SRSF6: variants seen among roughly 807,000 people sequenced by gnomAD.
SRSF6 encodes serine/arginine-rich splicing factor 6.
A neutral mutation model predicts 42.0 loss-of-function variants in SRSF6; 17 were observed. The ratio of observed to expected loss-of-function variants is 0.40; its 90% CI spans 0.28 to 0.61. The LOEUF (loss-of-function observed/expected upper bound fraction) is 0.61. Ranked by LOEUF, SRSF6 falls within the 20% of genes least tolerant of loss-of-function variation. SRSF6 has a pLI of 0.37. For missense variants in SRSF6, 379 were observed against 471.4 expected (o/e 0.80, Z 1.81); for synonymous variants, 204 against 166.7 (o/e 1.22, Z -1.72).
At position 43,463,345 on chromosome 20, in the gene SRSF6, T is replaced by C. The variant is rs192562726; in HGVS notation, c.*2282T>C. ...TAAAATGTTTAATTCCCTTGCTAGC[T>C]TGTGAGAAGAATGAGTTGATGACAT... On this transcript the variant is annotated 3_prime_UTR_variant, in exon 6 of 6. Transcript: ENST00000244020. The C allele has an allele frequency of 1.8e-4, 28 of 154,958 alleles. No homozygotes were observed. The highest frequency in any genetic ancestry group is 6.0e-4 in the African/African-American group (25 of 41,652). 9.6% of individuals were successfully genotyped at this position (154,958 alleles called of 1,614,324 possible).
In SRSF6 at chr20:43,463,367, A is replaced by C. The variant is rs910127638; in HGVS notation, c.*2304A>C. 3.2e-5 allele frequency: 5 copies of C among 154,862 alleles called. No individual in the cohort carries two copies. Among genetic ancestry groups the C allele is most frequent in the African/African-American group, 1.2e-4 (5 of 41,536 alleles). The allele number at this position is 154,862 out of a possible 1,614,324, so 9.6% of individuals were successfully genotyped here. A position where few individuals can be genotyped will look rare whatever the true frequency, so the allele number is the denominator to read the frequency against. On this transcript the variant is annotated 3_prime_UTR_variant, in exon 6 of 6. Coordinates refer to ENST00000244020, the MANE Select transcript of SRSF6 (RefSeq NM_006275.6). ...AGCTTGTGAGAAGAATGAGTTGATG[A>C]CATGCTCCATACCAGTGGCTAGATG...
rs770022409 is a variant in SRSF6, at chr20:43,460,738, G to A, written c.710G>A (p.Arg237Gln). Residue 237 changes from arginine to glutamine, a missense_variant, in exon 6 of 6, where the codon CGA becomes CAA. Around this residue, in one of 3 missense-constraint regions of SRSF6, gnomAD observed 219 missense variants for 216.1 expected, o/e 1.01. Transcript: ENST00000244020. ...CGGAGCAAAGGTCGATCACGTTCTC[G>A]ATCAAAAGGCAGGAAATCTAGATCA... is the stretch of plus-strand genomic sequence containing the variant. ...RSRSKGRSRS[R>Q]SKGRKSRSKS... is the part of the protein sequence containing the mutation. 1.8e-5 allele frequency: 29 copies of A among 1,613,718 alleles called. No homozygotes were observed. Among genetic ancestry groups the A allele is most frequent in the Middle Eastern group, 1.6e-4 (1 of 6,078 alleles).
At chr20:43,459,723 C>T (rs777952432) in intron 2 of SRSF6, 48 bp from the exon 3 acceptor site, 19 of 1,610,986 alleles carry the variant, frequency 1.2e-5, no homozygotes, top group African/African-American at 5.3e-5. Context: ...AGACATTATG[C>T]GTTTTTATCA....
intron 1 of SRSF6, 39 bp from the exon 2 acceptor site, chr20:43,458,322 G>T (rs1291593923): frequency 1.3e-6 from 2 of 1,493,922 alleles, no homozygotes; most frequent in South Asian, 1.3e-5. Context: ...CCTGGCTAAC[G>T]ACTCCCCCGC....
chr20:43,461,150 A>G lies in SRSF6; in HGVS notation c.*87A>G, dbSNP rs1250145790. The G allele has an allele frequency of 2.8e-6, 4 of 1,452,872 alleles. No homozygotes were observed. Among genetic ancestry groups the G allele is most frequent in the Non-Finnish European group, 3.6e-6 (4 of 1,105,486 alleles). The allele number at this position is 1,452,872 out of a possible 1,614,324, so 90.0% of individuals were successfully genotyped here. On this transcript the variant is annotated 3_prime_UTR_variant, in exon 6 of 6. Coordinates refer to ENST00000244020, the MANE Select transcript of SRSF6 (RefSeq NM_006275.6). Reference sequence around the variant, plus strand: ...CATGTTTATACTTGGCCTCTTCTGCAAGAGGAATCTCTTGAAAACAGGGGC... The same window carrying G: ...CATGTTTATACTTGGCCTCTTCTGCGAGAGGAATCTCTTGAAAACAGGGGC...
chr20:43,460,667 A>AC (rs1187150044), intron 5 of SRSF6, 36 bp from the exon 6 acceptor site: 1 of 1,612,352 alleles, frequency 6.2e-7, no homozygotes. Context: ...GTACATTCTC[A>AC]CTAAGTATTG....
rs1323046525 is a variant in SRSF6 at position 43,458,195 on chromosome 20, A to C, written c.107+55A>C. The C allele has an allele frequency of 7.0e-6, 11 of 1,569,538 alleles. No individual in the cohort carries two copies. In the East Asian group the frequency reaches 2.6e-4, roughly 37 times the overall value. Reference sequence around the variant, plus strand: ...CGTCCCAGGCCTGGTGGCGGCGGGAACTCTCCAAGGAAAGAAGCGGCCAAG... The same window carrying C: ...CGTCCCAGGCCTGGTGGCGGCGGGACCTCTCCAAGGAAAGAAGCGGCCAAG... On this transcript the variant is annotated intron_variant, in intron 1 of 5. Transcript: ENST00000244020.
In SRSF6 at chr20:43,460,505, C is replaced by A; in HGVS notation, c.591-10C>A. 1 of 1,611,818 alleles carries A rather than the reference C, an allele frequency of 6.2e-7. No homozygotes were observed. The highest frequency in any genetic ancestry group is 2.2e-5 in the East Asian group (1 of 44,850). ...TTGGGATTAAGACTTCATTGTTTTTCTCCTAATAGGTCTCGATCTAGAAGA... is the reference window on the plus strand; with the variant it reads ...TTGGGATTAAGACTTCATTGTTTTTATCCTAATAGGTCTCGATCTAGAAGA... On this transcript the variant is annotated splice_polypyrimidine_tract_variant and intron_variant, in intron 4 of 5. Coordinates refer to ENST00000244020, the MANE Select transcript of SRSF6 (RefSeq NM_006275.6).
chr20:43,460,045 C>G lies in SRSF6; in HGVS notation c.394C>G (p.Gln132Glu), dbSNP rs1470722729. The change falls in exon 4 of 6, where the codon CAA (glutamine) becomes GAA (glutamate). Residue 132 changes from glutamine (Q) to glutamate (E), a missense_variant. Physicochemically the swap from Gln to Glu is conservative, Grantham distance 29 (BLOSUM62 2). Around this residue, in one of 3 missense-constraint regions of SRSF6, gnomAD observed 43 missense variants for 108.5 expected, o/e 0.40. Coordinates refer to ENST00000244020, the MANE Select transcript of SRSF6 (RefSeq NM_006275.6). The stretch of plus-strand genomic sequence containing the variant: ...TCTTGTCTTTCAGGATTTTATGCGA[C>G]AAGCAGGTGAAGTAACCTATGCGGA... ...SWQDLKDFMR[Q>E]AGEVTYADAH... 1 of 1,614,090 alleles carries G rather than the reference C, an allele frequency of 6.2e-7. No homozygotes were observed. The highest frequency in any genetic ancestry group is 8.5e-7 in the Non-Finnish European group (1 of 1,180,052).
Position 43,461,981 on chromosome 20 carries a change from TTTTG to T in SRSF6, c.*921_*924del, listed in dbSNP as rs1568902356. On this transcript the variant is annotated 3_prime_UTR_variant, in exon 6 of 6. Transcript: ENST00000244020. ...TCATGTGGAAATGGAAGTAGCCTCT[TTTTG>T]TTCTGAAATTGAGTTTATTCAAAGT... The T allele has an allele frequency of 2.0e-5, 3 of 152,296 alleles. No individual in the cohort carries two copies. The highest frequency in any genetic ancestry group is 7.2e-5 in the African/African-American group (3 of 41,568). The allele number at this position is 152,296 out of a possible 1,614,324, so 9.4% of individuals were successfully genotyped here.
At chr20:43,459,275 G>A (rs1282363889) in intron 2 of SRSF6, 1 of 1,352,018 alleles carries the variant, frequency 7.4e-7, no homozygotes, top group African/African-American at 1.5e-5. Flanking sequence ...CTTACCGGAA[G>A]CCATGACGAC....
At chr20:43,459,175 G>C in intron 2 of SRSF6, 2 of 1,352,166 alleles carry the variant, frequency 1.5e-6, no homozygotes, top group South Asian at 2.3e-5. Flanking sequence ...CTGAGGCTGT[G>C]TCCACTGAGG....
chr20:43,463,762 A>T lies in SRSF6; in HGVS notation c.*2699A>T, dbSNP rs1380026997. 1 of 152,250 alleles carries T rather than the reference A, an allele frequency of 6.6e-6. No homozygotes were observed. The highest frequency in any genetic ancestry group is 1.5e-5 in the Non-Finnish European group (1 of 68,046). The allele number at this position is 152,250 out of a possible 1,614,324, so 9.4% of individuals were successfully genotyped here. A position where few individuals can be genotyped will look rare whatever the true frequency, so the allele number is the denominator to read the frequency against. The stretch of plus-strand genomic sequence containing the variant: ...CAGAAACGTGAGTTTGGGATTTAGT[A>T]TATGGTTTATGTTGGGCAACTCATT... On this transcript the variant is annotated 3_prime_UTR_variant, in exon 6 of 6. Transcript: ENST00000244020.
chr20:43,460,412 A>ACT, intron 4 of SRSF6, 103 bp from the exon 5 acceptor site: 13 of 1,381,556 alleles, frequency 9.4e-6, no homozygotes, highest in Non-Finnish European at 1.3e-5. Context: ...TTAATTTCGT[A>ACT]GTAAAGAAAA....
At position 43,461,755 on chromosome 20, in the gene SRSF6, AAAT is replaced by A. The variant is rs1479503908; in HGVS notation, c.*695_*697del. On this transcript the variant is annotated 3_prime_UTR_variant, in exon 6 of 6. Transcript: ENST00000244020. ...TCTGCCCCTTTAACAAGTTGAGTAAAAATAAAAGGTATTTTTTAGTCAATGTGT... is the reference window on the plus strand; with the variant it reads ...TCTGCCCCTTTAACAAGTTGAGTAAAAAAAGGTATTTTTTAGTCAATGTGT... 1 of 152,648 alleles carries A rather than the reference AAAT, an allele frequency of 6.6e-6. No homozygotes were observed. The highest frequency in any genetic ancestry group is 1.5e-5 in the Non-Finnish European group (1 of 68,032). 9.5% of individuals were successfully genotyped at this position (152,648 alleles called of 1,614,324 possible).
At chr20:43,459,341 A>G (rs1431012270) in intron 2 of SRSF6, 1 of 1,351,978 alleles carries the variant, frequency 7.4e-7, no homozygotes, top group Admixed American at 1.9e-5. Context: ...GGGTTAGACA[A>G]AACTGGTTAA....
chr20:43,459,700 T>C (rs2017552887), intron 2 of SRSF6, 71 bp from the exon 3 acceptor site: 3 of 1,605,782 alleles, frequency 1.9e-6, no homozygotes, highest in Admixed American at 1.7e-5. Flanking sequence ...GATATGTTTG[T>C]ACTAACTTTC....
chr20:43,458,520 C>T lies in SRSF6; in HGVS notation c.256+11C>T, dbSNP rs1328440151. The stretch of plus-strand genomic sequence containing the variant: ...GCTACGGAAGCCGCAGTGAGTCCCA[C>T]CCCCGCGCGCTCCGCGCCCTTGGGG... On this transcript the variant is annotated intron_variant, in intron 2 of 5. Transcript: ENST00000244020. 6.7e-6 allele frequency: 10 copies of T among 1,484,688 alleles called. No individual in the cohort carries two copies. The highest frequency in any genetic ancestry group is 4.8e-5 in the Admixed American group (2 of 41,874). 92.0% of individuals were successfully genotyped at this position (1,484,688 alleles called of 1,614,324 possible).
rs2017589627 is a variant in SRSF6, at chr20:43,461,337, G to GTTTTGTTTTTTTTT, written c.*278_*279insGTTTTTTTTTTTTT. On this transcript the variant is annotated 3_prime_UTR_variant, in exon 6 of 6. Transcript: ENST00000244020. ...GTAAAGATTAAGCTCATTTAGTGTT[G>GTTTTGTTTTTTTTT]TTTTTTTTTTTTTTTTTTTTTTTTT... 3 of 43,770 alleles carry GTTTTGTTTTTTTTT rather than the reference G, an allele frequency of 6.9e-5. No homozygotes were observed. The highest frequency in any genetic ancestry group is 9.2e-5 in the Non-Finnish European group (2 of 21,830). 2.7% of individuals were successfully genotyped at this position (43,770 alleles called of 1,614,324 possible).
Sources: allele counts gnomAD v4.1 joint callset, GRCh38; gene constraint gnomAD v4.1.1; regional missense constraint gnomAD v4.1.1; transcripts MANE v1.5; gene names NCBI Gene and HGNC (gene_info 2026-07-23, HGNC 2026-07-21).